The following TTBK1 variants were observed in gnomAD, a reference collection of about 807,000 sequenced individuals.
TTBK1 encodes tau-tubulin kinase 1.
TTBK1 carries 34 observed loss-of-function variants against 108.5 expected under a neutral mutation model. That is an observed-to-expected ratio of 0.31 (90% CI 0.24 to 0.42). TTBK1 has a LOEUF of 0.42. Among genes scored for constraint, TTBK1 ranks in the 10% least tolerant of loss-of-function variants. TTBK1 has a pLI of 1.00. For synonymous variants in TTBK1, 809 were observed against 795.1 expected (o/e 1.02, Z -0.29); for missense variants, 1,539 against 1,826.0 (o/e 0.84, Z 2.86).
chr6:43,256,378 C>T (rs1777381257), intron 9 of TTBK1, among the ~76,000 whole-genome samples: 1 of 152,044 alleles, frequency 6.6e-6, no homozygotes, highest in Non-Finnish European at 1.5e-5. Context: ...TTTGATCCAC[C>T]TGCCTCGGCC....
intron 10 of TTBK1, among the ~76,000 whole-genome samples, chr6:43,258,193 G>A (rs553609329): frequency 6.6e-6 from 1 of 152,254 alleles, no homozygotes; most frequent in East Asian, 1.9e-4. Flanking sequence ...GGTCCCTGGG[G>A]GAGCAGGGAA....
At position 43,257,802 on chromosome 6, in the gene TTBK1, C is replaced by A. The variant is rs1176997138; in HGVS notation, c.862-10C>A. 1 of 1,611,318 alleles carries A rather than the reference C, an allele frequency of 6.2e-7. No individual in the cohort carries two copies. On this transcript the variant is annotated splice_polypyrimidine_tract_variant and intron_variant, in intron 9 of 14. Coordinates refer to ENST00000259750, the MANE Select transcript of TTBK1 (RefSeq NM_032538.3). The surrounding 1 kb of genome is among the most constrained non-coding windows in gnomAD (Gnocchi z 4.5). ...CCTCTCTGTCCTCCCATCACCCTCACCCCCTGCAGTTGATCATGTCAGTGT... is the reference window on the plus strand; with the variant it reads ...CCTCTCTGTCCTCCCATCACCCTCAACCCCTGCAGTTGATCATGTCAGTGT...
rs935018569 is a variant in TTBK1, at chr6:43,285,532, A to C, written c.*156A>C. On this transcript the variant is annotated 3_prime_UTR_variant, in exon 15 of 15. Coordinates refer to ENST00000259750, the MANE Select transcript of TTBK1 (RefSeq NM_032538.3). The surrounding 1 kb of genome is among the most constrained non-coding windows in gnomAD (Gnocchi z 4.7). ...TGCACCCGCGAGGACGCGCGCGAGC[A>C]CACGCGGCGCCCCGCCAGGCCTTAG... 124 of 1,034,416 alleles carry C rather than the reference A, an allele frequency of 1.2e-4. No individual in the cohort carries two copies. The highest frequency in any genetic ancestry group is 1.5e-4 in the Non-Finnish European group (122 of 814,764). The allele number at this position is 1,034,416 out of a possible 1,614,324, so 64.1% of individuals were successfully genotyped here. A position where few individuals can be genotyped will look rare whatever the true frequency, so the allele number is the denominator to read the frequency against.
In TTBK1 at chr6:43,259,301, G is replaced by A; in HGVS notation, c.1248+32G>A. 1 of 1,504,974 alleles carries A rather than the reference G, an allele frequency of 6.6e-7. No individual in the cohort carries two copies. Among genetic ancestry groups the A allele is most frequent in the Admixed American group, 2.1e-5 (1 of 46,838 alleles). The allele number at this position is 1,504,974 out of a possible 1,614,324, so 93.2% of individuals were successfully genotyped here. On this transcript the variant is annotated intron_variant, in intron 11 of 14. Coordinates refer to ENST00000259750, the MANE Select transcript of TTBK1 (RefSeq NM_032538.3). This position sits in a 1 kb window ranked among gnomAD's most constrained non-coding sequence, Gnocchi z 6.7. ...GCCGCCAGGGCGAAGGGCGTGGGTG[G>A]CCTTTTCTCTCACCCCCGATTCCCA...
rs537260797 is a variant in TTBK1, at chr6:43,263,038, G to T, written c.1674G>T (p.Gly558=). ...CGGAGCTCAAGGACTTCCCTCCAGG[G>T]GCTGAGCCCAGCACATCGGGCACCA... The part of the protein sequence containing the change: ...KETELKDFPP[G]AEPSTSGTTD... The change falls in exon 13 of 15, where the codon GGG becomes GGT. Residue 558 remains glycine, a synonymous_variant. Transcript: ENST00000259750. This position sits in a 1 kb window ranked among gnomAD's most constrained non-coding sequence, Gnocchi z 4.7. 2 of 1,596,080 alleles carry T rather than the reference G, an allele frequency of 1.3e-6. No homozygotes were observed. The highest frequency in any genetic ancestry group is 1.8e-5 in the Admixed American group (1 of 56,692).
rs913982036 is a variant in TTBK1, at chr6:43,270,159, C to G, written c.1986+6809C>G. ...CTCCGTCCCACCTCCCCATCAGCTCCCTTTGTAGGTGCCAGCCAAATGGTG... is the reference window on the plus strand; with the variant it reads ...CTCCGTCCCACCTCCCCATCAGCTCGCTTTGTAGGTGCCAGCCAAATGGTG... On this transcript the variant is annotated intron_variant, in intron 13 of 14. Coordinates refer to ENST00000259750, the MANE Select transcript of TTBK1 (RefSeq NM_032538.3). 18 of 1,361,044 alleles carry G rather than the reference C, an allele frequency of 1.3e-5. No individual in the cohort carries two copies. In the African/African-American group the frequency reaches 2.6e-4, roughly 20 times the overall value. 84.3% of individuals were successfully genotyped at this position (1,361,044 alleles called of 1,614,324 possible).
chr6:43,270,253 G>T, intron 13 of TTBK1: 1 of 1,210,932 alleles, frequency 8.3e-7, no homozygotes, highest in Non-Finnish European at 1.0e-6. Context: ...AGCCACTGAT[G>T]GGTCCAGAGT....
At chr6:43,272,652 CG>C in intron 13 of TTBK1, 1 of 985,284 alleles carries the variant, frequency 1.0e-6, no homozygotes, top group Non-Finnish European at 1.2e-6. Flanking sequence ...ATTATCTTTT[CG>C]GGGTGGCTTT....
rs753375422 is a variant in TTBK1, at chr6:43,283,021, G to A, written c.2281G>A (p.Glu761Lys). The A allele has an allele frequency of 2.5e-6, 4 of 1,592,944 alleles. No individual in the cohort carries two copies. Among genetic ancestry groups the A allele is most frequent in the Non-Finnish European group, 3.4e-6 (4 of 1,168,254 alleles). The part of the protein sequence containing the change: ...EEEEEEEEEE[E>K]EEEEEEEEEE... ...AGAGGAGGAAGAGGAAGAGGAGGAG[G>A]AAGAAGAGGAGGAGGAGGAAGAGGA... Residue 761 changes from glutamate to lysine, a missense_variant, in exon 14 of 15, where the codon GAA becomes AAA. This residue lies in a region of TTBK1 where 1,055 missense variants were observed against 1,086.5 expected (regional missense o/e 0.97). Transcript: ENST00000259750. The surrounding 1 kb of genome is among the most constrained non-coding windows in gnomAD (Gnocchi z 8.1).
intron 2 of TTBK1, among the ~76,000 whole-genome samples, chr6:43,247,411 G>A (rs1301534381): frequency 6.6e-6 from 1 of 152,204 alleles, no homozygotes; most frequent in African/African-American, 2.4e-5. Flanking sequence ...TGAGGGCTGG[G>A]GGAATGATAG....
chr6:43,285,487 C>A lies in TTBK1; in HGVS notation c.*111C>A. Reference sequence around the variant, plus strand: ...CCTTACGCGCCCGACGCGCGCCACCCGCGGCCCCAGCTTTCCGCCTGCACC... The same window carrying A: ...CCTTACGCGCCCGACGCGCGCCACCAGCGGCCCCAGCTTTCCGCCTGCACC... On this transcript the variant is annotated 3_prime_UTR_variant, in exon 15 of 15. Coordinates refer to ENST00000259750, the MANE Select transcript of TTBK1 (RefSeq NM_032538.3). This position sits in a 1 kb window ranked among gnomAD's most constrained non-coding sequence, Gnocchi z 4.7. The A allele has an allele frequency of 1.6e-6, 2 of 1,216,960 alleles. No individual in the cohort carries two copies. The highest frequency in any genetic ancestry group is 1.0e-6 in the Non-Finnish European group (1 of 977,378). The allele number at this position is 1,216,960 out of a possible 1,614,324, so 75.4% of individuals were successfully genotyped here. A position where few individuals can be genotyped will look rare whatever the true frequency, so the allele number is the denominator to read the frequency against.
chr6:43,274,745 T>C (rs910285862), intron 13 of TTBK1, among the ~76,000 whole-genome samples: 1 of 151,650 alleles, frequency 6.6e-6, no homozygotes. Context: ...TCAAGCATCC[T>C]TCTCCCTAAG....
At chr6:43,251,991 G>T (rs1056186988) in intron 2 of TTBK1, among the ~76,000 whole-genome samples, 4 of 152,190 alleles carry the variant, frequency 2.6e-5, no homozygotes, top group South Asian at 2.1e-4. Flanking sequence ...AGACTGGGAG[G>T]TCTGGCAATT....
At position 43,257,945 on chromosome 6, in the gene TTBK1, G is replaced by A; in HGVS notation, c.995G>A (p.Arg332Gln). 2.5e-6 allele frequency: 4 copies of A among 1,613,244 alleles called. No individual in the cohort carries two copies. The highest frequency in any genetic ancestry group is 3.4e-6 in the Non-Finnish European group (4 of 1,179,806). ...STSTPPQQNT[R>Q]QTAAMFGVVN... is the part of the protein sequence containing the mutation. ...TCTACCCCGCCCCAGCAGAACACCCGGCAGACGGCAGCCATGTTTGGGTGA... is the reference window on the plus strand; with the variant it reads ...TCTACCCCGCCCCAGCAGAACACCCAGCAGACGGCAGCCATGTTTGGGTGA... The change falls in exon 10 of 15, where the codon CGG (arginine) becomes CAG (glutamine). Residue 332 changes from arginine (R) to glutamine (Q), a missense_variant. This residue lies in a region of TTBK1 where 277 missense variants were observed against 332.4 expected (regional missense o/e 0.83). Coordinates refer to ENST00000259750, the MANE Select transcript of TTBK1 (RefSeq NM_032538.3). The surrounding 1 kb of genome is among the most constrained non-coding windows in gnomAD (Gnocchi z 4.5).
In TTBK1 at chr6:43,253,059, G is replaced by T. The variant is rs958744299; in HGVS notation, c.256+173G>T. Among the ~76,000 whole-genome samples the T allele has an allele frequency of 6.6e-6, 1 of 152,114 alleles. No individual in the cohort carries two copies. The highest frequency in any genetic ancestry group is 1.5e-5 in the Non-Finnish European group (1 of 68,020). ...CGGAGCCAGAGTCTAGGAGAGATGGGACCGGGGTCTAAGACAGTGATGGGG... is the reference window on the plus strand; with the variant it reads ...CGGAGCCAGAGTCTAGGAGAGATGGTACCGGGGTCTAAGACAGTGATGGGG... On this transcript the variant is annotated intron_variant, in intron 3 of 14. Coordinates refer to ENST00000259750, the MANE Select transcript of TTBK1 (RefSeq NM_032538.3). The surrounding 1 kb of genome is among the most constrained non-coding windows in gnomAD (Gnocchi z 5.8).
Position 43,283,051 on chromosome 6 carries a change from G to A in TTBK1, c.2311G>A (p.Glu771Lys). 6.3e-7 allele frequency: 1 copy of A among 1,590,170 alleles called. No homozygotes were observed. Among genetic ancestry groups the A allele is most frequent in the Non-Finnish European group, 8.6e-7 (1 of 1,168,252 alleles). The stretch of plus-strand genomic sequence containing the variant: ...AGAGGAGGAGGAGGAAGAGGAGGAG[G>A]AGGCTGCAGCGGCAGTTGCCTTGGG... The part of the protein sequence containing the change: ...EEEEEEEEEE[E>K]AAAAVALGEV... The change falls in exon 14 of 15, where the codon GAG becomes AAG. Residue 771 changes from glutamate to lysine, a missense_variant. Around this residue, in one of 5 missense-constraint regions of TTBK1, gnomAD observed 1,055 missense variants for 1,086.5 expected, o/e 0.97. Coordinates refer to ENST00000259750, the MANE Select transcript of TTBK1 (RefSeq NM_032538.3). The surrounding 1 kb of genome is among the most constrained non-coding windows in gnomAD (Gnocchi z 8.1).
intron 13 of TTBK1, among the ~76,000 whole-genome samples, chr6:43,268,675 G>A (rs777348631): frequency 4.6e-5 from 7 of 152,152 alleles, no homozygotes; most frequent in Non-Finnish European, 1.0e-4. Context: ...CACTTCACTC[G>A]GAGGGCATGG....
At chr6:43,270,534 G>A (rs890650069) in intron 13 of TTBK1, 240 of 985,958 alleles carry the variant, frequency 2.4e-4, no homozygotes, top group Middle Eastern at 5.2e-4. Flanking sequence ...AGTGATCGGG[G>A]GAGGAGCCCT....
At position 43,283,966 on chromosome 6, in the gene TTBK1, A is replaced by G. The variant is rs772133695; in HGVS notation, c.3226A>G (p.Lys1076Glu). The G allele has an allele frequency of 9.7e-5, 157 of 1,612,030 alleles. No homozygotes were observed. The highest frequency in any genetic ancestry group is 1.3e-4 in the Non-Finnish European group (149 of 1,179,078). ...GSEPSGSLSA[K>E]ERWSKRARPQ... is the part of the protein sequence containing the mutation. ...GGAGCCCTCAGGCTCACTGTCGGCC[A>G]AAGAGCGGTGGAGCAAGCGGGCTCG... Residue 1076 changes from lysine (K) to glutamate (E), a missense_variant, in exon 14 of 15, where the codon AAA becomes GAA. Physicochemically the swap from Lys to Glu is moderately conservative, Grantham distance 56. Transcript: ENST00000259750. The surrounding 1 kb of genome is among the most constrained non-coding windows in gnomAD (Gnocchi z 8.1).
Sources: allele counts gnomAD v4.1 joint callset (sites outside exome capture counted in the v4.1 genomes callset), GRCh38; gene constraint gnomAD v4.1.1; regional missense constraint gnomAD v4.1.1; non-coding constraint Gnocchi (gnomAD v3.1); transcripts MANE v1.5; gene names NCBI Gene and HGNC (gene_info 2026-07-23, HGNC 2026-07-21).